Variants in DAAM1 observed in about 807,000 individuals in gnomAD.
The protein encoded by DAAM1 is disheveled-associated activator of morphogenesis 1.
In DAAM1, 52 loss-of-function variants were observed where a neutral mutation model predicts 130.0. That is an observed-to-expected ratio of 0.40 (90% confidence interval 0.32 to 0.50). DAAM1 has a LOEUF of 0.50. Ranked by LOEUF, DAAM1 falls within the 20% of genes least tolerant of loss-of-function variation. DAAM1 has a pLI of 0.61. For synonymous variants in DAAM1, 452 were observed against 444.5 expected, an observed-to-expected ratio of 1.02 and a Z score of -0.21; for missense variants, 1,134 against 1,303.8, an observed-to-expected ratio of 0.87 and a Z score of 2.01.
chr14:59,271,950 C>G (rs2139523243), intron 2 of DAAM1, among the ~76,000 whole-genome samples: 1 of 152,106 alleles, frequency 6.6e-6, no homozygotes, highest in Admixed American at 6.5e-5. Flanking sequence ...TAGGAACATT[C>G]CATTTTAAAC....
chr14:59,326,448 A>G, intron 10 of DAAM1, 62 bp from the exon 11 acceptor site: 1 of 1,518,204 alleles, frequency 6.6e-7, no homozygotes, highest in Non-Finnish European at 8.9e-7. Context: ...ACCATTGACA[A>G]ATATTCATCC....
intron 2 of DAAM1, among the ~76,000 whole-genome samples, chr14:59,289,596 C>T (rs1192017422): frequency 1.3e-5 from 2 of 151,760 alleles, no homozygotes; most frequent in African/African-American, 4.8e-5. Context: ...TAAAATAGAA[C>T]TAGCATTTGA....
At chr14:59,225,923 G>GAT (rs138503461) in intron 1 of DAAM1, among the ~76,000 whole-genome samples, 17,097 of 152,058 alleles carry the variant, frequency 0.11, 1,511 homozygotes, top group African/African-American at 0.25. Flanking sequence ...TCTATGAATT[G>GAT]ATATATATAT....
At position 59,331,262 on chromosome 14, in the gene DAAM1, G is replaced by T; in HGVS notation, c.1614G>T (p.Gly538=). ...PGGPSPGAPG[G]PFPSSVPGSL... ...GACCCTCGCCTGGAGCACCAGGAGG[G>T]CCCTTTCCTTCCTCTGTGCCTGGAT... is the stretch of plus-strand genomic sequence containing the variant. The change falls in exon 14 of 25, where the codon GGG becomes GGT. Residue 538 remains glycine, a synonymous_variant. Coordinates refer to ENST00000360909, the MANE Select transcript of DAAM1 (RefSeq NM_001270520.2). 1 of 1,612,854 alleles carries T rather than the reference G, an allele frequency of 6.2e-7. No homozygotes were observed. The highest frequency in any genetic ancestry group is 1.3e-5 in the African/African-American group (1 of 74,948).
intron 16 of DAAM1, among the ~76,000 whole-genome samples, chr14:59,344,319 T>C (rs1372467489): frequency 1.3e-5 from 2 of 152,204 alleles, no homozygotes; most frequent in African/African-American, 4.8e-5. Flanking sequence ...CTTGGCAAAT[T>C]TTTGAAATAC....
At chr14:59,266,712 T>C (rs1457337218) in intron 2 of DAAM1, among the ~76,000 whole-genome samples, 1 of 152,184 alleles carries the variant, frequency 6.6e-6, no homozygotes, top group Non-Finnish European at 1.5e-5. Context: ...AGAGGTAGGC[T>C]CAAAGCTGCT....
chr14:59,318,972 T>C (rs2139611945), intron 4 of DAAM1, among the ~76,000 whole-genome samples: 1 of 152,356 alleles, frequency 6.6e-6, no homozygotes. Context: ...TTTGTGTCAT[T>C]AAGCTTAGGA....
intron 3 of DAAM1, among the ~76,000 whole-genome samples, chr14:59,291,837 G>A (rs528927452): frequency 4.8e-4 from 73 of 152,188 alleles, no homozygotes; most frequent in African/African-American, 1.5e-3. Context: ...ACTCTCTCTC[G>A]TATCCCACTG....
intron 1 of DAAM1, among the ~76,000 whole-genome samples, chr14:59,243,591 A>G (rs1420113616): frequency 6.6e-6 from 1 of 151,986 alleles, no homozygotes; most frequent in Non-Finnish European, 1.5e-5. Context: ...CTGAACTTTT[A>G]TCTCTGATCC....
At chr14:59,300,094 A>G (rs1423930668) in intron 3 of DAAM1, 1 of 152,230 alleles carries the variant, frequency 6.6e-6, no homozygotes, top group East Asian at 1.9e-4. Flanking sequence ...TGGTTGATGA[A>G]TATCTTAAGT....
At position 59,190,764 on chromosome 14, in the gene DAAM1, G is replaced by T. The variant is rs929665602; in HGVS notation, c.-38+1996G>T. Among the ~76,000 whole-genome samples, 7 of 152,144 alleles carry T rather than the reference G, an allele frequency of 4.6e-5. 1 individual carries two copies. The highest frequency in any genetic ancestry group is 1.7e-4 in the African/African-American group (7 of 41,420). ...GGGTTTCCTAACGTTAATTCTAGGC[G>T]CAATGGCCTATGATTCCAAGATAGA... On this transcript the variant is annotated intron_variant, in intron 1 of 24. Coordinates refer to ENST00000360909, the MANE Select transcript of DAAM1 (RefSeq NM_001270520.2).
intron 3 of DAAM1, among the ~76,000 whole-genome samples, chr14:59,297,171 G>T (rs552950773): frequency 1.3e-5 from 2 of 152,260 alleles, no homozygotes; most frequent in South Asian, 2.1e-4. Flanking sequence ...GGACTGAAGG[G>T]CTAACTCCTG....
At chr14:59,289,166 C>T (rs542949080) in intron 2 of DAAM1, among the ~76,000 whole-genome samples, 14 of 152,208 alleles carry the variant, frequency 9.2e-5, no homozygotes, top group Admixed American at 3.9e-4. Context: ...CTGCCCGCCT[C>T]GGCCTCCTAA....
At chr14:59,359,745 T>G (rs967402315) in intron 21 of DAAM1, among the ~76,000 whole-genome samples, 2 of 152,258 alleles carry the variant, frequency 1.3e-5, no homozygotes, top group African/African-American at 4.8e-5. Flanking sequence ...AAAGGGCAGG[T>G]GTTTTAAATA....
At chr14:59,196,409 C>A (rs937120642) in intron 1 of DAAM1, among the ~76,000 whole-genome samples, 2 of 152,144 alleles carry the variant, frequency 1.3e-5, no homozygotes, top group African/African-American at 4.8e-5. Context: ...AGGTTTAGAC[C>A]AGGGACCCTT....
At chr14:59,190,613 G>C (rs915632827) in intron 1 of DAAM1, among the ~76,000 whole-genome samples, 1 of 152,114 alleles carries the variant, frequency 6.6e-6, no homozygotes, top group African/African-American at 2.4e-5. Context: ...AAGCATGCAG[G>C]GCCATAACCA....
At chr14:59,295,039 C>T (rs901179257) in intron 3 of DAAM1, among the ~76,000 whole-genome samples, 1 of 152,294 alleles carries the variant, frequency 6.6e-6, no homozygotes. Flanking sequence ...CAGAAAAATA[C>T]TTGTACCCCT....
At chr14:59,335,503 A>T (rs1280132776) in intron 15 of DAAM1, among the ~76,000 whole-genome samples, 3 of 152,200 alleles carry the variant, frequency 2.0e-5, no homozygotes, top group Admixed American at 6.5e-5. Flanking sequence ...TCTCCGTTTT[A>T]TGGGAAATTT....
intron 1 of DAAM1, among the ~76,000 whole-genome samples, chr14:59,260,910 A>G (rs1398417559): frequency 6.6e-6 from 1 of 152,130 alleles, no homozygotes; most frequent in East Asian, 1.9e-4. Context: ...AGAGGAGCGC[A>G]AGATGTTTAT....
Sources: gnomAD v4.1 joint callset for allele counts (sites outside exome capture counted in the v4.1 genomes callset) on GRCh38, gnomAD v4.1.1 for gene constraint, MANE v1.5 for transcripts, NCBI Gene and HGNC (gene_info 2026-07-23, HGNC 2026-07-21) for gene names.